RNF150: variants seen among roughly 807,000 people sequenced by gnomAD.
RNF150 encodes ring finger protein 150.
In RNF150, 24 loss-of-function variants were observed where a neutral mutation model predicts 39.3. The observed-to-expected ratio is 0.61, with a 90% CI of 0.44 to 0.86. The LOEUF (loss-of-function observed/expected upper bound fraction) is 0.86. RNF150 is among the 40% of genes least tolerant of loss of function. The pLI is 0.00. For synonymous variants in RNF150, 255 were observed against 227.3 expected, an observed-to-expected ratio of 1.12 and a Z score of -1.10; for missense variants, 502 against 587.8, an observed-to-expected ratio of 0.85 and a Z score of 1.51.
chr4:141,082,766 T>C (rs1738209148), intron 1 of RNF150, among the ~76,000 whole-genome samples: 1 of 151,854 alleles, frequency 6.6e-6, no homozygotes, highest in African/African-American at 2.4e-5. Context: ...TTTTTTGTAT[T>C]TTTAGTAGAG....
At chr4:140,937,931 C>CA (rs922875906) in intron 4 of RNF150, among the ~76,000 whole-genome samples, 3 of 151,176 alleles carry the variant, frequency 2.0e-5, no homozygotes, top group Non-Finnish European at 4.4e-5. Context: ...TCGCTCTTTT[C>CA]AAAAAAAAGG....
At chr4:140,935,119 T>G (rs1731814212) in intron 4 of RNF150, among the ~76,000 whole-genome samples, 1 of 142,026 alleles carries the variant, frequency 7.0e-6, no homozygotes, top group South Asian at 2.1e-4. Flanking sequence ...TTATAATATA[T>G]AAAGAACCAT....
chr4:140,863,291 G>A lies in RNF150; in HGVS notation c.*4970C>T, dbSNP rs913701444. 1 of 152,112 alleles carries A rather than the reference G, an allele frequency of 6.6e-6. No individual in the cohort carries two copies. Among genetic ancestry groups the A allele is most frequent in the Non-Finnish European group, 1.5e-5 (1 of 68,024 alleles). 9.4% of individuals were successfully genotyped at this position (152,112 alleles called of 1,614,324 possible). A position where few individuals can be genotyped will look rare whatever the true frequency, so the allele number is the denominator to read the frequency against. On this transcript the variant is annotated 3_prime_UTR_variant, in exon 7 of 7. Transcript: ENST00000515673. Reference sequence around the variant, plus strand: ...TGGAATTGTTGCTTTGCCATTATTTGCCCAGAAAACATTTATGGCAAGGAA... The same window carrying A: ...TGGAATTGTTGCTTTGCCATTATTTACCCAGAAAACATTTATGGCAAGGAA...
chr4:141,010,788 C>A (rs1735048130), intron 1 of RNF150, among the ~76,000 whole-genome samples: 2 of 152,154 alleles, frequency 1.3e-5, no homozygotes, highest in South Asian at 4.2e-4. Flanking sequence ...GAAGATGGAC[C>A]CAGGGAGGAG....
intron 1 of RNF150, among the ~76,000 whole-genome samples, chr4:141,091,002 C>T (rs1212441781): frequency 6.6e-6 from 1 of 152,160 alleles, no homozygotes; most frequent in South Asian, 2.1e-4. Flanking sequence ...CTCTATTCTA[C>T]TTGGTGAGTC....
chr4:140,886,856 A>T (rs1038111925), intron 6 of RNF150, among the ~76,000 whole-genome samples: 1 of 152,198 alleles, frequency 6.6e-6, no homozygotes, highest in Non-Finnish European at 1.5e-5. Flanking sequence ...TTTAAGTCCT[A>T]TCTAAAAAAT....
chr4:141,000,375 A>G (rs1734622185), intron 1 of RNF150, among the ~76,000 whole-genome samples: 1 of 152,216 alleles, frequency 6.6e-6, no homozygotes, highest in South Asian at 2.1e-4. Context: ...GGTATGTATA[A>G]GGAAAATTCC....
intron 1 of RNF150, among the ~76,000 whole-genome samples, chr4:141,177,571 A>G (rs1352641884): frequency 6.6e-6 from 1 of 152,082 alleles, no homozygotes; most frequent in Non-Finnish European, 1.5e-5. Flanking sequence ...TTATCCTGGA[A>G]TGTCAAACTT....
chr4:141,097,276 C>G (rs1340280129), intron 1 of RNF150, among the ~76,000 whole-genome samples: 1 of 152,206 alleles, frequency 6.6e-6, no homozygotes, highest in Non-Finnish European at 1.5e-5. Context: ...TAGGTCCTGA[C>G]AGCTGTTGAT....
chr4:140,893,125 C>T (rs560452748), intron 6 of RNF150, among the ~76,000 whole-genome samples: 1 of 152,212 alleles, frequency 6.6e-6, no homozygotes, highest in South Asian at 2.1e-4. Context: ...CCCGGCCTTT[C>T]TCCAAAGAAC....
At chr4:140,984,411 TTCTC>T (rs1201187418) in intron 1 of RNF150, among the ~76,000 whole-genome samples, 15 of 152,172 alleles carry the variant, frequency 9.9e-5, no homozygotes, top group Admixed American at 7.9e-4. Context: ...TTGGTCTTTA[TTCTC>T]TCTATCAGTA....
At chr4:141,091,521 G>C (rs924633760) in intron 1 of RNF150, among the ~76,000 whole-genome samples, 4 of 152,124 alleles carry the variant, frequency 2.6e-5, no homozygotes, top group Non-Finnish European at 5.9e-5. Flanking sequence ...TCCAGAAAAA[G>C]AAATGATCAA....
At position 140,864,478 on chromosome 4, in the gene RNF150, A is replaced by C. The variant is rs1280938206; in HGVS notation, c.*3783T>G. The C allele has an allele frequency of 6.6e-6, 1 of 152,224 alleles. No individual in the cohort carries two copies. The highest frequency in any genetic ancestry group is 1.5e-5 in the Non-Finnish European group (1 of 68,056). The allele number at this position is 152,224 out of a possible 1,614,324, so 9.4% of individuals were successfully genotyped here. Reference sequence around the variant, plus strand: ...TGGCAGGTGGATGCTGACTTGGAGTAAAATGCTGGCTGTTGGAGGTGGTCA... The same window carrying C: ...TGGCAGGTGGATGCTGACTTGGAGTCAAATGCTGGCTGTTGGAGGTGGTCA... On this transcript the variant is annotated 3_prime_UTR_variant, in exon 7 of 7. Coordinates refer to ENST00000515673, the MANE Select transcript of RNF150 (RefSeq NM_020724.2).
intron 1 of RNF150, among the ~76,000 whole-genome samples, chr4:141,166,744 C>CT (rs1263251060): frequency 6.6e-6 from 1 of 152,088 alleles, no homozygotes; most frequent in Non-Finnish European, 1.5e-5. Flanking sequence ...AATTCAACAC[C>CT]TTTTCATGCT....
intron 1 of RNF150, among the ~76,000 whole-genome samples, chr4:140,972,261 A>G (rs929914770): frequency 1.3e-5 from 2 of 152,176 alleles, no homozygotes; most frequent in Non-Finnish European, 2.9e-5. Context: ...ACTGCAAAAT[A>G]CCATATAAAT....
chr4:140,886,341 C>G (rs751683789), intron 6 of RNF150, among the ~76,000 whole-genome samples: 8 of 152,006 alleles, frequency 5.3e-5, no homozygotes, highest in African/African-American at 7.3e-5. Context: ...TTGTGTTCAG[C>G]TGAGTGGAGT....
intron 1 of RNF150, among the ~76,000 whole-genome samples, chr4:141,100,761 C>A (rs1441626404): frequency 6.6e-6 from 1 of 152,128 alleles, no homozygotes; most frequent in Non-Finnish European, 1.5e-5. Context: ...TTAACATAAA[C>A]CTAGATGGAA....
intron 1 of RNF150, among the ~76,000 whole-genome samples, chr4:141,189,373 G>A (rs1728066667): frequency 6.6e-6 from 1 of 152,152 alleles, no homozygotes; most frequent in African/African-American, 2.4e-5. Flanking sequence ...GTGGCACAGG[G>A]CACAGGGACC....
intron 1 of RNF150, among the ~76,000 whole-genome samples, chr4:141,209,784 T>A (rs1728434195): frequency 6.6e-6 from 1 of 152,088 alleles, no homozygotes; most frequent in Non-Finnish European, 1.5e-5. Flanking sequence ...AAAACTCTGA[T>A]TTCTTGAGGC....
Sources: gnomAD v4.1 joint callset for allele counts (sites outside exome capture counted in the v4.1 genomes callset) on GRCh38, gnomAD v4.1.1 for gene constraint, MANE v1.5 for transcripts, NCBI Gene and HGNC (gene_info 2026-07-23, HGNC 2026-07-21) for gene names.